Variants in IL22RA1 observed in about 807,000 individuals in gnomAD.
IL22RA1 encodes interleukin-22 receptor subunit alpha-1.
Under a neutral mutation model 32.8 loss-of-function variants are expected in IL22RA1, and 25 were observed. The observed-to-expected ratio is 0.76, with a 90% CI of 0.55 to 1.06. IL22RA1 has a LOEUF of 1.06. IL22RA1 is among the 50% of genes least tolerant of loss of function. The pLI is 0.00. For missense variants in IL22RA1, 709 were observed against 727.4 expected (o/e 0.97, Z 0.29); for synonymous variants, 305 against 305.0 (o/e 1.00, Z 0.00).
chr1:24,131,301 T>C (rs1381510488), intron 4 of IL22RA1, among the ~76,000 whole-genome samples: 3 of 152,200 alleles, frequency 2.0e-5, no homozygotes, highest in East Asian at 1.9e-4. Flanking sequence ...ACCTGAATTG[T>C]ATGCTTTAAA....
intron 1 of IL22RA1, among the ~76,000 whole-genome samples, chr1:24,141,503 T>G (rs1284141525): frequency 1.3e-5 from 2 of 152,070 alleles, no homozygotes; most frequent in Non-Finnish European, 2.9e-5. Flanking sequence ...AGGAGGCTGG[T>G]GGCTGAGGTG....
At chr1:24,123,207 T>C (rs1351944134) in intron 6 of IL22RA1, 95 bp downstream of exon 6, 1 of 1,495,040 alleles carries the variant, frequency 6.7e-7, no homozygotes, top group Non-Finnish European at 8.9e-7. Context: ...TCTCCTGCTT[T>C]GTCTGTGGAT....
chr1:24,138,039 C>G (rs552660415), intron 2 of IL22RA1, among the ~76,000 whole-genome samples: 1 of 152,126 alleles, frequency 6.6e-6, no homozygotes, highest in East Asian at 1.9e-4. Flanking sequence ...TACAGGACAA[C>G]GTGGCATGAC....
At chr1:24,130,708 GATTTT>G (rs1313054314) in intron 4 of IL22RA1, among the ~76,000 whole-genome samples, 2 of 152,130 alleles carry the variant, frequency 1.3e-5, no homozygotes, top group Non-Finnish European at 2.9e-5. Flanking sequence ...AGCAGACAAT[GATTTT>G]ATTTTATTTG....
At chr1:24,141,969 A>T (rs1644284441) in intron 1 of IL22RA1, among the ~76,000 whole-genome samples, 1 of 151,798 alleles carries the variant, frequency 6.6e-6, no homozygotes, top group Non-Finnish European at 1.5e-5. Context: ...GTGCAGCGCG[A>T]GGCAGCTGAC....
Position 24,138,592 on chromosome 1 carries a change from C to G in IL22RA1, c.166G>C (p.Glu56Gln). The G allele has an allele frequency of 2.5e-6, 4 of 1,614,074 alleles. No individual in the cohort carries two copies. The highest frequency in any genetic ancestry group is 3.4e-6 in the Non-Finnish European group (4 of 1,180,004). The change falls in exon 2 of 7, where the codon GAG (glutamate) becomes CAG (glutamine). Residue 56 changes from glutamate to glutamine, a missense_variant. By Grantham distance (29) the Glu-to-Gln change is conservative. Transcript: ENST00000270800. ...AAGAGAGAAGCCTACGTCTTATACT[C>G]GATGCTGTAGACCGTGTCTGGGGTG... ...EGTPDTVYSI[E>Q]YKTYGERDWV...
At chr1:24,142,057 T>G (rs1644285019) in intron 1 of IL22RA1, among the ~76,000 whole-genome samples, 1 of 152,056 alleles carries the variant, frequency 6.6e-6, no homozygotes, top group Admixed American at 6.5e-5. Context: ...TTCTAACCAG[T>G]ATGGCTGAGG....
rs1029509314 is a variant in IL22RA1 at position 24,120,299 on chromosome 1, G to A, written c.*506C>T. The A allele has an allele frequency of 6.5e-6, 1 of 152,898 alleles. No homozygotes were observed. Among genetic ancestry groups the A allele is most frequent in the African/African-American group, 2.4e-5 (1 of 41,486 alleles). The allele number at this position is 152,898 out of a possible 1,614,324, so 9.5% of individuals were successfully genotyped here. On this transcript the variant is annotated 3_prime_UTR_variant, in exon 7 of 7. Coordinates refer to ENST00000270800, the MANE Select transcript of IL22RA1 (RefSeq NM_021258.4). ...CTTGGCAGAAGTGCAGGTTGTTCTG[G>A]TTCTGCCCAGCCTCCTTCTGGTTCT...
At position 24,143,112 on chromosome 1, in the gene IL22RA1, T is replaced by C; in HGVS notation, c.-30A>G. 1 of 1,599,638 alleles carries C rather than the reference T, an allele frequency of 6.3e-7. No individual in the cohort carries two copies. Among genetic ancestry groups the C allele is most frequent in the Non-Finnish European group, 8.5e-7 (1 of 1,172,102 alleles). On this transcript the variant is annotated 5_prime_UTR_variant, in exon 1 of 7. Transcript: ENST00000270800. ...GCTGGCACAGAGCCCTCCCTTGGCCTCTACTCTGCCGTGCACAGAGAGAGG... is the reference window on the plus strand; with the variant it reads ...GCTGGCACAGAGCCCTCCCTTGGCCCCTACTCTGCCGTGCACAGAGAGAGG...
Position 24,120,781 on chromosome 1 carries a change from A to G in IL22RA1, c.*24T>C. 1 of 1,558,828 alleles carries G rather than the reference A, an allele frequency of 6.4e-7. No individual in the cohort carries two copies. Among genetic ancestry groups the G allele is most frequent in the East Asian group, 2.3e-5 (1 of 44,306 alleles). On this transcript the variant is annotated 3_prime_UTR_variant, in exon 7 of 7. Transcript: ENST00000270800. ...TGACACTGGGTAGGGACAGGGAGGA[A>G]GCACCAAGCCTTTCCCATTCCCCTC...
intron 1 of IL22RA1, among the ~76,000 whole-genome samples, chr1:24,142,553 A>G (rs544261012): frequency 3.3e-5 from 5 of 152,334 alleles, no homozygotes; most frequent in African/African-American, 1.2e-4. Flanking sequence ...CTATGATAAC[A>G]AAAGGGGCCA....
rs1268045452 is a variant in IL22RA1, at chr1:24,121,720, C to T, written c.810G>A (p.Leu270=). ...PPNSLNVQRV[L]TFQPLRFIQE... Reference sequence around the variant, plus strand: ...GGATGAAGCGCAGCGGCTGGAAAGTCAGGACTCGCTGGACGTTCTGTGCAG... The same window carrying T: ...GGATGAAGCGCAGCGGCTGGAAAGTTAGGACTCGCTGGACGTTCTGTGCAG... Residue 270 remains leucine, a synonymous_variant, in exon 7 of 7, where the codon CTG becomes CTA. Coordinates refer to ENST00000270800, the MANE Select transcript of IL22RA1 (RefSeq NM_021258.4). 4.5e-6 allele frequency: 7 copies of T among 1,546,600 alleles called. No individual in the cohort carries two copies. Among genetic ancestry groups the T allele is most frequent in the African/African-American group, 2.7e-5 (2 of 73,418 alleles).
At chr1:24,132,249 A>G (rs1169184914) in intron 4 of IL22RA1, among the ~76,000 whole-genome samples, 1 of 152,066 alleles carries the variant, frequency 6.6e-6, no homozygotes, top group African/African-American at 2.4e-5. Flanking sequence ...GTTGACTGGA[A>G]GGGGACCCAA....
chr1:24,141,964 G>A (rs1277641517), intron 1 of IL22RA1, among the ~76,000 whole-genome samples: 1 of 152,084 alleles, frequency 6.6e-6, no homozygotes, highest in Admixed American at 6.6e-5. Context: ...GGTGTGTGCA[G>A]CGCGAGGCAG....
intron 5 of IL22RA1, among the ~76,000 whole-genome samples, chr1:24,124,902 T>A (rs1644150579): frequency 6.6e-6 from 1 of 152,124 alleles, no homozygotes; most frequent in Non-Finnish European, 1.5e-5. Context: ...AATAGGGACA[T>A]GGAATGGTCT....
chr1:24,123,317 T>G lies in IL22RA1; in HGVS notation c.777A>C (p.Ala259=). Residue 259 remains alanine (A), a synonymous_variant, in exon 6 of 7, where the codon GCA becomes GCC. Transcript: ENST00000270800. ...GATGGCTCACCAGGGAGTTGGGAGG[T>G]GCAGGCGGCTTGGTGACATATCTGT... ...LSYRYVTKPP[A]PPNSLNVQRV... 2 of 1,613,826 alleles carry G rather than the reference T, an allele frequency of 1.2e-6. No individual in the cohort carries two copies. Among genetic ancestry groups the G allele is most frequent in the Non-Finnish European group, 8.5e-7 (1 of 1,179,916 alleles).
chr1:24,137,191 C>G lies in IL22RA1; in HGVS notation c.295G>C (p.Val99Leu). The change falls in exon 3 of 7, where the codon GTC (valine) becomes CTC (leucine). Residue 99 changes from valine to leucine, a missense_variant. Val to Leu is a conservative substitution (Grantham distance 32). Transcript: ENST00000270800. ...TELYYARVTA[V>L]SAGGRSATKM... ...GTGGCTGACCGGCCTCCCGCACTGA[C>G]AGCGGTGACCCTGGCATAGTAGAGC... 6.2e-7 allele frequency: 1 copy of G among 1,614,158 alleles called. No individual in the cohort carries two copies. The highest frequency in any genetic ancestry group is 1.1e-5 in the South Asian group (1 of 91,086).
chr1:24,142,413 C>T (rs968215995), intron 1 of IL22RA1, among the ~76,000 whole-genome samples: 6 of 152,210 alleles, frequency 3.9e-5, no homozygotes, highest in African/African-American at 1.4e-4. Flanking sequence ...TAATGATGAG[C>T]CCCCCACTCC....
chr1:24,140,253 C>A (rs1254575928), intron 1 of IL22RA1, among the ~76,000 whole-genome samples: 1 of 152,194 alleles, frequency 6.6e-6, no homozygotes, highest in Non-Finnish European at 1.5e-5. Flanking sequence ...GAAGAACCTA[C>A]AATATTCATC....
Sources: gnomAD v4.1 joint callset for allele counts (sites outside exome capture counted in the v4.1 genomes callset) on GRCh38, gnomAD v4.1.1 for gene constraint, MANE v1.5 for transcripts, NCBI Gene and HGNC (gene_info 2026-07-23, HGNC 2026-07-21) for gene names.